The following IL34 variants were observed in gnomAD, a reference collection of about 807,000 sequenced individuals.
IL34 encodes the protein interleukin-34.
Under a neutral mutation model 25.3 loss-of-function variants are expected in IL34, and 17 were observed. The observed-to-expected ratio is 0.67, with a 90% CI of 0.46 to 1.01. The LOEUF (loss-of-function observed/expected upper bound fraction) is 1.01, where lower values mean the gene tolerates loss of function less well. Ranked by LOEUF, IL34 falls within the 50% of genes least tolerant of loss-of-function variation. IL34 has a pLI of 0.00. For synonymous variants in IL34, 174 were observed against 140.9 expected, an observed-to-expected ratio of 1.23 and a Z score of -1.66; for missense variants, 368 against 312.9, an observed-to-expected ratio of 1.18 and a Z score of -1.33.
At chr16:70,610,363 C>T (rs542570903) in intron 1 of IL34, among the ~76,000 whole-genome samples, 1 of 152,190 alleles carries the variant, frequency 6.6e-6, no homozygotes, top group African/African-American at 2.4e-5. Context: ...CTGGGAGTGC[C>T]GAGTGTTCAG....
At chr16:70,583,002 C>T (rs1436638246) in intron 1 of IL34, among the ~76,000 whole-genome samples, 2 of 152,028 alleles carry the variant, frequency 1.3e-5, no homozygotes, top group East Asian at 1.9e-4. Context: ...ATGTAGGGAG[C>T]GGCGGAGTGG....
rs370957082 is a variant in IL34 at position 70,655,307 on chromosome 16, TC to T, written c.162+639del. 6.8e-3 allele frequency among the ~76,000 whole-genome samples: 1,029 copies of T among 152,276 alleles called. 8 individuals are homozygous for T. The highest frequency in any genetic ancestry group is 0.02 in the Middle Eastern group (6 of 294). On this transcript the variant is annotated intron_variant, in intron 2 of 5. Coordinates refer to ENST00000288098, the MANE Select transcript of IL34 (RefSeq NM_001393494.1). ...ACCTCGTGATCCGCCTGCCTCAGCC[TC>T]CCAAAGTGCTGGGATTACAGGCGTG...
chr16:70,596,606 C>A (rs559214256), intron 1 of IL34, among the ~76,000 whole-genome samples: 2 of 152,178 alleles, frequency 1.3e-5, no homozygotes, highest in Non-Finnish European at 2.9e-5. Flanking sequence ...CCTGAAGCCA[C>A]GCATATGCCT....
chr16:70,590,544 G>A (rs1195788860), intron 1 of IL34, among the ~76,000 whole-genome samples: 1 of 152,000 alleles, frequency 6.6e-6, no homozygotes, highest in African/African-American at 2.4e-5. Flanking sequence ...GAGGGAGGGG[G>A]CAGCCGGGTG....
chr16:70,600,377 A>G (rs958916596), intron 1 of IL34, among the ~76,000 whole-genome samples: 11 of 152,022 alleles, frequency 7.2e-5, no homozygotes, highest in South Asian at 4.2e-4. Flanking sequence ...ATCATCAACT[A>G]CCCTATGATT....
At chr16:70,630,473 C>G (rs1225042742) in intron 1 of IL34, among the ~76,000 whole-genome samples, 6 of 151,922 alleles carry the variant, frequency 3.9e-5, no homozygotes, top group African/African-American at 1.5e-4. Flanking sequence ...CTCAGGTGAT[C>G]TGCCAGCGTC....
chr16:70,636,395 A>C (rs190004057), intron 1 of IL34, among the ~76,000 whole-genome samples: 208 of 152,326 alleles, frequency 1.4e-3, no homozygotes, highest in African/African-American at 4.8e-3. Flanking sequence ...CTAGAAACTT[A>C]ACCACATTTA....
intron 1 of IL34, among the ~76,000 whole-genome samples, chr16:70,596,121 TGGTGTGG>T (rs1375118815): frequency 6.6e-6 from 1 of 152,152 alleles, no homozygotes; most frequent in Non-Finnish European, 1.5e-5. Flanking sequence ...ATTTGGTGTC[TGGTGTGG>T]GCCCTTGTCC....
At chr16:70,648,385 A>G (rs1196764721) in intron 1 of IL34, among the ~76,000 whole-genome samples, 4 of 151,896 alleles carry the variant, frequency 2.6e-5, no homozygotes, top group Non-Finnish European at 5.9e-5. Flanking sequence ...GCGAGACTCC[A>G]TCTCTAAAAA....
intron 1 of IL34, among the ~76,000 whole-genome samples, chr16:70,602,788 C>G (rs1255398501): frequency 6.6e-6 from 1 of 152,130 alleles, no homozygotes; most frequent in Non-Finnish European, 1.5e-5. Context: ...GATCCTCCTG[C>G]TTCAGTCTCC....
intron 1 of IL34, among the ~76,000 whole-genome samples, 183 bp downstream of exon 1, chr16:70,647,158 G>A (rs1434646618): frequency 6.6e-6 from 1 of 152,258 alleles, no homozygotes; most frequent in African/African-American, 2.4e-5. Context: ...GCTCACTTCG[G>A]GCTCCGACGG....
intron 1 of IL34, among the ~76,000 whole-genome samples, chr16:70,635,939 G>C (rs1327342399): frequency 6.6e-6 from 1 of 152,028 alleles, no homozygotes; most frequent in African/African-American, 2.4e-5. Flanking sequence ...TTACAGATGG[G>C]GAGGCTGAGG....
At chr16:70,625,193 G>C (rs367799510) in intron 1 of IL34, among the ~76,000 whole-genome samples, 3 of 151,940 alleles carry the variant, frequency 2.0e-5, no homozygotes, top group Non-Finnish European at 2.9e-5. Flanking sequence ...TTTTAAGTTC[G>C]TGAGAAGTCA....
chr16:70,659,318 G>T (rs1234041890), intron 4 of IL34, among the ~76,000 whole-genome samples: 1 of 152,238 alleles, frequency 6.6e-6, no homozygotes, highest in Non-Finnish European at 1.5e-5. Flanking sequence ...GTGGTGGGTG[G>T]CCGTGCCTGG....
chr16:70,634,442 G>T (rs1410072956), intron 1 of IL34, among the ~76,000 whole-genome samples: 1 of 151,998 alleles, frequency 6.6e-6, no homozygotes, highest in Non-Finnish European at 1.5e-5. Context: ...CACTTTGCGA[G>T]GCCAAGGCAG....
upstream of IL34, among the ~76,000 whole-genome samples, chr16:70,645,139 G>T: frequency 6.8e-6 from 1 of 146,802 alleles, no homozygotes; most frequent in South Asian, 2.1e-4. Flanking sequence ...GGAGGAAGAC[G>T]AGGAAGGAGG....
chr16:70,589,922 C>G (rs2050733624), intron 1 of IL34, among the ~76,000 whole-genome samples: 1 of 152,206 alleles, frequency 6.6e-6, no homozygotes, highest in Non-Finnish European at 1.5e-5. Context: ...TGCACCCGGC[C>G]TTACCATGAT....
At chr16:70,631,471 A>G (rs1456153067) in intron 1 of IL34, among the ~76,000 whole-genome samples, 1 of 152,190 alleles carries the variant, frequency 6.6e-6, no homozygotes. Context: ...AACAAAACAT[A>G]TTAAATGTTT....
chr16:70,593,682 A>AT (rs1282703496), intron 1 of IL34, among the ~76,000 whole-genome samples: 41 of 151,384 alleles, frequency 2.7e-4, no homozygotes, highest in Admixed American at 5.3e-4. Context: ...ATGCTGGGCT[A>AT]TTTTTTTTGT....
Sources: gnomAD v4.1 joint callset for allele counts (sites outside exome capture counted in the v4.1 genomes callset) on GRCh38, gnomAD v4.1.1 for gene constraint, MANE v1.5 for transcripts, NCBI Gene and HGNC (gene_info 2026-07-23, HGNC 2026-07-21) for gene names.